Variants in CCDC73 observed in about 807,000 individuals in gnomAD.
The protein encoded by CCDC73 is coiled-coil domain-containing protein 73.
Under a neutral mutation model 116.5 loss-of-function variants are expected in CCDC73, and 95 were observed. That is an observed-to-expected ratio of 0.82 (90% CI 0.69 to 0.97). The LOEUF (loss-of-function observed/expected upper bound fraction) is 0.97, where lower values mean the gene tolerates loss of function less well. Among genes scored for constraint, CCDC73 ranks in the 50% least tolerant of loss-of-function variants. The pLI, the probability that CCDC73 is intolerant of heterozygous loss-of-function variation, is 0.00. For synonymous variants in CCDC73, 398 were observed against 401.3 expected, an observed-to-expected ratio of 0.99 and a Z score of 0.10; for missense variants, 1,066 against 1,206.8, an observed-to-expected ratio of 0.88 and a Z score of 1.73.
intron 14 of CCDC73, among the ~76,000 whole-genome samples, chr11:32,628,230 T>A (rs12278733): frequency 9.2e-5 from 14 of 152,196 alleles, no homozygotes; most frequent in African/African-American, 3.4e-4. Context: ...CTATGATTAC[T>A]CAGGCTTACT....
At position 32,765,069 on chromosome 11, in the gene CCDC73, C is replaced by T. The variant is rs532211368; in HGVS notation, c.-15-4811G>A. ...AATTCAACAAGAAGAGCTAACTATC[C>T]TAAATATATATGCACCCAATACAGG... On this transcript the variant is annotated intron_variant, in intron 1 of 17. Transcript: ENST00000335185. Among the ~76,000 whole-genome samples the T allele has an allele frequency of 3.3e-5, 5 of 152,290 alleles. No individual in the cohort carries two copies. In the South Asian group the frequency reaches 1.0e-3, roughly 32 times the overall value.
At chr11:32,796,206 C>T (rs1438399760), upstream of CCDC73, among the ~76,000 whole-genome samples, 1 of 152,216 alleles carries the variant, frequency 6.6e-6, no homozygotes, top group East Asian at 1.9e-4. Context: ...TATTTATTAA[C>T]TGTATCCTAG....
intron 9 of CCDC73, among the ~76,000 whole-genome samples, chr11:32,663,068 C>T (rs1480815975): frequency 6.6e-6 from 1 of 152,072 alleles, no homozygotes; most frequent in East Asian, 1.9e-4. Context: ...GGTACCAGTA[C>T]CATGCTGTTT....
rs574025575 is a variant in CCDC73, at chr11:32,736,567, G to T, written c.136-18420C>A. 6.4e-3 allele frequency among the ~76,000 whole-genome samples: 968 copies of T among 151,728 alleles called. 13 individuals carry two copies. The highest frequency in any genetic ancestry group is 0.022 in the African/African-American group (898 of 41,450). On this transcript the variant is annotated intron_variant, in intron 2 of 17. Transcript: ENST00000335185. ...AACACTTTTACACTGTTGGTGGGAC[G>T]GTAAACTAGTTCAACCATTGTGGAA...
chr11:32,694,723 A>C (rs956590478), intron 6 of CCDC73, among the ~76,000 whole-genome samples: 3 of 152,248 alleles, frequency 2.0e-5, no homozygotes, highest in East Asian at 3.8e-4. Flanking sequence ...AAATTCTCTT[A>C]CTGACAACCT....
intron 2 of CCDC73, among the ~76,000 whole-genome samples, chr11:32,755,639 A>ATGTG (rs562980962): frequency 2.1e-5 from 2 of 95,352 alleles, no homozygotes; most frequent in African/African-American, 4.4e-5. Flanking sequence ...CTCCATATAT[A>ATGTG]TGTGTATATA....
At chr11:32,807,902 C>A in the CCDC73 span, among the ~76,000 whole-genome samples, 2 of 151,982 alleles carry the variant, frequency 1.3e-5, no homozygotes, top group African/African-American at 4.8e-5. Flanking sequence ...AGAATGGCTC[C>A]CTCTAAAATA....
intron 4 of CCDC73, 101 bp downstream of exon 4, chr11:32,702,772 G>T: frequency 1.2e-5 from 10 of 809,842 alleles, no homozygotes; most frequent in Admixed American, 5.8e-5. Context: ...TCTCCTTTTT[G>T]TCTTTGGTGA....
At chr11:32,736,660 G>A (rs1335956481) in intron 2 of CCDC73, among the ~76,000 whole-genome samples, 1 of 151,556 alleles carries the variant, frequency 6.6e-6, no homozygotes, top group Non-Finnish European at 1.5e-5. Flanking sequence ...CCCACTACTG[G>A]GTATATACCC....
At chr11:32,698,523 C>G (rs910441200) in intron 6 of CCDC73, among the ~76,000 whole-genome samples, 1 of 152,174 alleles carries the variant, frequency 6.6e-6, no homozygotes, top group Admixed American at 6.5e-5. Flanking sequence ...TTGCTAGACT[C>G]GATCACTTGA....
intron 14 of CCDC73, among the ~76,000 whole-genome samples, chr11:32,632,752 G>A (rs1428396930): frequency 6.6e-6 from 1 of 151,836 alleles, no homozygotes; most frequent in African/African-American, 2.4e-5. Context: ...TGTATGTTGT[G>A]TATACTTTAC....
chr11:32,768,710 T>C (rs1850466316), intron 1 of CCDC73, among the ~76,000 whole-genome samples: 1 of 152,090 alleles, frequency 6.6e-6, no homozygotes, highest in Non-Finnish European at 1.5e-5. Context: ...CCAGGTGTGG[T>C]TGTGCACCCC....
intron 6 of CCDC73, among the ~76,000 whole-genome samples, chr11:32,695,527 G>A (rs1565078083): frequency 6.6e-6 from 1 of 152,202 alleles, no homozygotes. Flanking sequence ...AGGCTTTGCA[G>A]TTTCACTTGT....
At chr11:32,688,777 G>A (rs573442880) in intron 6 of CCDC73, among the ~76,000 whole-genome samples, 1 of 152,222 alleles carries the variant, frequency 6.6e-6, no homozygotes, top group African/African-American at 2.4e-5. Flanking sequence ...TAAAAACATT[G>A]TGGAATGAAC....
At chr11:32,721,969 A>G (rs1171237713) in intron 2 of CCDC73, among the ~76,000 whole-genome samples, 2 of 152,144 alleles carry the variant, frequency 1.3e-5, no homozygotes, top group East Asian at 1.9e-4. Context: ...ATGTTACTCA[A>G]AGATAGACTT....
Position 32,655,085 on chromosome 11 carries a change from A to ATTTCATATATCAAG in CCDC73, c.646-114_646-113insCTTGATATATGAAA. The ATTTCATATATCAAG allele has an allele frequency of 2.7e-3, 331 of 122,354 alleles. 1 individual carries two copies. The highest frequency in any genetic ancestry group is 3.9e-3 in the Non-Finnish European group (274 of 70,726). 7.6% of individuals were successfully genotyped at this position (122,354 alleles called of 1,614,324 possible). A position where few individuals can be genotyped will look rare whatever the true frequency, so the allele number is the denominator to read the frequency against. On this transcript the variant is annotated intron_variant, in intron 9 of 17. Transcript: ENST00000335185. The stretch of plus-strand genomic sequence containing the variant: ...TAAGCCTATAATTATAATTTGTTAT[A>ATTTCATATATCAAG]ATTCCCTTGCAAGTTCCCTTGCAAG...
chr11:32,630,323 G>GTTTGT (rs574987818), intron 14 of CCDC73, among the ~76,000 whole-genome samples: 11 of 152,080 alleles, frequency 7.2e-5, no homozygotes, highest in South Asian at 2.1e-4. Flanking sequence ...TTTTTTGTTT[G>GTTTGT]TTTGTTTTGT....
At chr11:32,675,703 A>T (rs538472123) in intron 8 of CCDC73, 59 bp from the exon 9 acceptor site, 1 of 1,378,144 alleles carries the variant, frequency 7.3e-7, no homozygotes, top group East Asian at 2.3e-5. Flanking sequence ...CAAAGAAAGT[A>T]TCATTAAGAT....
the CCDC73 span, among the ~76,000 whole-genome samples, chr11:32,823,871 T>C: frequency 6.6e-6 from 1 of 151,070 alleles, no homozygotes; most frequent in East Asian, 1.9e-4. Context: ...TCCCTGAAAA[T>C]GTTTTTTGTT....
Sources: allele counts gnomAD v4.1 joint callset (sites outside exome capture counted in the v4.1 genomes callset), GRCh38; gene constraint gnomAD v4.1.1; transcripts MANE v1.5; gene names NCBI Gene and HGNC (gene_info 2026-07-23, HGNC 2026-07-21).